SORCS3: variants seen among roughly 807,000 people sequenced by gnomAD.
SORCS3 encodes the protein VPS10 domain-containing receptor SorCS3.
In SORCS3, 57 loss-of-function variants were observed where a neutral mutation model predicts 146.3. The ratio of observed to expected loss-of-function variants is 0.39; its 90% CI spans 0.31 to 0.49. SORCS3 has a LOEUF of 0.49. Among genes scored for constraint, SORCS3 ranks in the 20% least tolerant of loss-of-function variants. The pLI is 0.92. For synonymous variants in SORCS3, 653 were observed against 618.5 expected, an observed-to-expected ratio of 1.06 and a Z score of -0.83; for missense variants, 1,341 against 1,575.5, an observed-to-expected ratio of 0.85 and a Z score of 2.52.
intron 6 of SORCS3, among the ~76,000 whole-genome samples, chr10:105,092,760 A>G (rs1015135824): frequency 2.0e-5 from 3 of 152,170 alleles, no homozygotes; most frequent in African/African-American, 7.2e-5. Context: ...ATAGGAAAAA[A>G]CAAACAAACA....
intron 20 of SORCS3, among the ~76,000 whole-genome samples, chr10:105,233,318 T>C (rs1223017371): frequency 2.0e-5 from 3 of 152,210 alleles, no homozygotes; most frequent in African/African-American, 4.8e-5. Context: ...ATAAGATATA[T>C]ACATAAGTAT....
chr10:104,643,540 A>T (rs555667539), intron 1 of SORCS3, among the ~76,000 whole-genome samples: 91 of 152,268 alleles, frequency 6.0e-4, no homozygotes, highest in African/African-American at 1.9e-3. Context: ...AGCTCTGGCG[A>T]GAGGGGTGGA....
At chr10:105,014,564 G>A (rs1486489281) in intron 4 of SORCS3, among the ~76,000 whole-genome samples, 1 of 152,078 alleles carries the variant, frequency 6.6e-6, no homozygotes, top group East Asian at 1.9e-4. Flanking sequence ...TTTGTATAAA[G>A]AAATATTATA....
At chr10:104,786,648 G>C (rs995649863) in intron 1 of SORCS3, among the ~76,000 whole-genome samples, 2 of 151,990 alleles carry the variant, frequency 1.3e-5, no homozygotes, top group African/African-American at 2.4e-5. Flanking sequence ...GAAGGCAGAA[G>C]CTGAGAGGAA....
chr10:104,842,930 G>A, intron 2 of SORCS3, 71 bp downstream of exon 2: 1 of 1,214,912 alleles, frequency 8.2e-7, no homozygotes, highest in Non-Finnish European at 1.2e-6. Flanking sequence ...CTAAGCAGTT[G>A]GGAAGTGTGG....
At chr10:104,708,860 C>T (rs1406175396) in intron 1 of SORCS3, among the ~76,000 whole-genome samples, 1 of 152,188 alleles carries the variant, frequency 6.6e-6, no homozygotes, top group East Asian at 1.9e-4. Flanking sequence ...CCTTTTGAGG[C>T]ATATAGATTT....
intron 4 of SORCS3, among the ~76,000 whole-genome samples, chr10:105,027,704 T>C (rs1012190975): frequency 6.6e-6 from 1 of 152,214 alleles, no homozygotes; most frequent in Non-Finnish European, 1.5e-5. Context: ...TGTCCACAAG[T>C]GTCCTTTGAT....
At chr10:105,208,298 G>T (rs12243060) in intron 16 of SORCS3, among the ~76,000 whole-genome samples, 1 of 150,960 alleles carries the variant, frequency 6.6e-6, no homozygotes, top group East Asian at 2.0e-4. Context: ...CTGAGATCGC[G>T]TCCCTGCACT....
intron 1 of SORCS3, among the ~76,000 whole-genome samples, chr10:104,779,349 G>A (rs2017347300): frequency 6.6e-6 from 1 of 152,346 alleles, no homozygotes. Context: ...CAGAGATGCT[G>A]AGCTCTGTGC....
Position 104,883,676 on chromosome 10 carries a change from C to T in SORCS3, c.696-32157C>T, listed in dbSNP as rs144811663. Among the ~76,000 whole-genome samples the T allele has an allele frequency of 4.4e-3, 673 of 152,270 alleles. 4 individuals carry two copies. Among genetic ancestry groups the T allele is most frequent in the African/African-American group, 0.015 (634 of 41,550 alleles). On this transcript the variant is annotated intron_variant, in intron 2 of 26. Transcript: ENST00000369701. The stretch of plus-strand genomic sequence containing the variant: ...ATCTTATTTTTTATTGTTGGTCCTA[C>T]TCTATTCCCCTTTTAAGCTTTTGAA...
chr10:104,960,588 T>C (rs754130285), intron 3 of SORCS3, among the ~76,000 whole-genome samples: 11 of 152,122 alleles, frequency 7.2e-5, no homozygotes, highest in Non-Finnish European at 1.6e-4. Flanking sequence ...AATCCATTAA[T>C]CCATTAACCA....
chr10:105,256,780 G>A (rs747947179), intron 24 of SORCS3, 39 bp from the exon 25 acceptor site: 5 of 1,501,286 alleles, frequency 3.3e-6, no homozygotes, highest in South Asian at 1.1e-5. Context: ...TTCCAAGTGA[G>A]CATATCTGTT....
chr10:105,030,237 T>C (rs899793766), intron 4 of SORCS3, among the ~76,000 whole-genome samples: 1 of 152,230 alleles, frequency 6.6e-6, no homozygotes, highest in African/African-American at 2.4e-5. Flanking sequence ...ATGTTTCTGG[T>C]CTCAGCGAGA....
At chr10:104,832,182 G>A (rs962528039) in intron 1 of SORCS3, among the ~76,000 whole-genome samples, 7 of 152,084 alleles carry the variant, frequency 4.6e-5, no homozygotes, top group African/African-American at 1.7e-4. Flanking sequence ...GTAGTCTTCC[G>A]TTAACTTGTA....
At chr10:105,054,337 G>A (rs994904999) in intron 5 of SORCS3, among the ~76,000 whole-genome samples, 3 of 151,564 alleles carry the variant, frequency 2.0e-5, no homozygotes, top group Non-Finnish European at 4.4e-5. Flanking sequence ...CCCATAGCCT[G>A]TGATCATGTA....
intron 1 of SORCS3, among the ~76,000 whole-genome samples, chr10:104,752,685 C>T (rs559117914): frequency 1.0e-3 from 155 of 152,206 alleles, no homozygotes; most frequent in Non-Finnish European, 3.2e-4. Flanking sequence ...CTTTCATCAG[C>T]GCTTGATTCC....
intron 3 of SORCS3, among the ~76,000 whole-genome samples, chr10:104,940,236 ATATTTTTTTTTT>A (rs1258150052): frequency 2.5e-4 from 6 of 23,612 alleles, no homozygotes; most frequent in African/African-American, 7.8e-4. Flanking sequence ...ATATATATAT[ATATTTTTTTTTT>A]TTTTTTTATT....
At chr10:104,775,864 G>T (rs183679439) in intron 1 of SORCS3, among the ~76,000 whole-genome samples, 3 of 152,322 alleles carry the variant, frequency 2.0e-5, no homozygotes, top group Admixed American at 6.5e-5. Flanking sequence ...ATAGCAAGAA[G>T]GTAGAAGCAG....
chr10:104,871,065 T>C (rs1057326496), intron 2 of SORCS3, among the ~76,000 whole-genome samples: 2 of 152,124 alleles, frequency 1.3e-5, no homozygotes, highest in Non-Finnish European at 2.9e-5. Context: ...ATACGAGTAG[T>C]TGGAGAAGAA....
Sources: gnomAD v4.1 joint callset for allele counts (sites outside exome capture counted in the v4.1 genomes callset) on GRCh38, gnomAD v4.1.1 for gene constraint, MANE v1.5 for transcripts, NCBI Gene and HGNC (gene_info 2026-07-23, HGNC 2026-07-21) for gene names.